Variants in UNC45B observed in about 807,000 individuals in gnomAD.
The protein encoded by UNC45B is protein unc-45 homolog B.
Under a neutral mutation model 98.7 loss-of-function variants are expected in UNC45B, and 78 were observed. The ratio of observed to expected loss-of-function variants is 0.79; its 90% CI spans 0.66 to 0.95. The LOEUF is 0.95. UNC45B is among the 40% of genes least tolerant of loss of function. The pLI, the probability that UNC45B is intolerant of heterozygous loss-of-function variation, is 0.00. For synonymous variants in UNC45B, 462 were observed against 480.4 expected (o/e 0.96, Z 0.50); for missense variants, 1,225 against 1,184.9 (o/e 1.03, Z -0.50).
chr17:35,161,875 T>A (rs980478102), intron 8 of UNC45B, among the ~76,000 whole-genome samples: 1 of 152,002 alleles, frequency 6.6e-6, no homozygotes, highest in Non-Finnish European at 1.5e-5. Flanking sequence ...TAACTAATGA[T>A]TTAATCAACC....
chr17:35,172,996 G>A (rs771316855), intron 13 of UNC45B, among the ~76,000 whole-genome samples: 4 of 152,146 alleles, frequency 2.6e-5, no homozygotes, highest in Non-Finnish European at 4.4e-5. Context: ...AATCACACAC[G>A]ACAGCAAGGC....
chr17:35,170,636 G>A (rs886924351), intron 12 of UNC45B, among the ~76,000 whole-genome samples: 1 of 151,464 alleles, frequency 6.6e-6, no homozygotes. Flanking sequence ...TGGGGTTCAG[G>A]ACCAGCCTAG....
rs922711152 is a variant in UNC45B at position 35,148,350 on chromosome 17, C to T, written c.87C>T (p.Tyr29=). ...LQDYKAATNS[Y]SQALKLTKDK... ...ACTACAAGGCCGCCACAAATAGCTA[C>T]AGCCAGGCCCTGAAGCTGACCAAGG... is the stretch of plus-strand genomic sequence containing the variant. The change falls in exon 2 of 20, where the codon TAC becomes TAT. Residue 29 remains tyrosine, a synonymous_variant. Coordinates refer to ENST00000394570, the MANE Select transcript of UNC45B (RefSeq NM_001267052.2). The T allele has an allele frequency of 5.5e-5, 88 of 1,614,058 alleles. No individual in the cohort carries two copies. The highest frequency in any genetic ancestry group is 7.3e-5 in the Non-Finnish European group (86 of 1,180,046).
Position 35,186,547 on chromosome 17 carries a change from A to G in UNC45B, c.2778A>G (p.Lys926=). The change falls in exon 20 of 20, where the codon AAA becomes AAG. Residue 926 remains lysine, a synonymous_variant. Coordinates refer to ENST00000394570, the MANE Select transcript of UNC45B (RefSeq NM_001267052.2). ...LIKCMDYGFI[K]PVS is the part of the protein sequence containing the mutation. Reference sequence around the variant, plus strand: ...AGTGCATGGATTATGGTTTCATTAAACCAGTGTCTTAGACAGCGACCCTCA... The same window carrying G: ...AGTGCATGGATTATGGTTTCATTAAGCCAGTGTCTTAGACAGCGACCCTCA... 3.1e-6 allele frequency: 5 copies of G among 1,614,110 alleles called. No homozygotes were observed. The highest frequency in any genetic ancestry group is 4.2e-6 in the Non-Finnish European group (5 of 1,180,000).
At chr17:35,168,542 T>C (rs2092158629) in intron 10 of UNC45B, among the ~76,000 whole-genome samples, 181 bp downstream of exon 10, 1 of 152,080 alleles carries the variant, frequency 6.6e-6, no homozygotes, top group South Asian at 2.1e-4. Flanking sequence ...AGGATGTAGA[T>C]TCAGAACCGT....
chr17:35,156,167 G>C (rs1193190487), intron 7 of UNC45B, among the ~76,000 whole-genome samples: 1 of 152,188 alleles, frequency 6.6e-6, no homozygotes, highest in Non-Finnish European at 1.5e-5. Context: ...GAGATGGAAA[G>C]TAGAATAGTG....
At chr17:35,149,996 T>G (rs2092004673) in intron 3 of UNC45B, 52 bp from the exon 4 acceptor site, 4 of 1,505,816 alleles carry the variant, frequency 2.7e-6, no homozygotes, top group Non-Finnish European at 3.5e-6. Flanking sequence ...GTGGGGCTGG[T>G]GGTCTGTAGT....
chr17:35,161,919 A>T (rs1057171000), intron 8 of UNC45B, among the ~76,000 whole-genome samples: 14 of 152,284 alleles, frequency 9.2e-5, no homozygotes, highest in African/African-American at 3.4e-4. Flanking sequence ...TTTAAAAAAA[A>T]TCCCTAGCCA....
At chr17:35,161,683 A>C (rs1245133114) in intron 8 of UNC45B, among the ~76,000 whole-genome samples, 3 of 152,138 alleles carry the variant, frequency 2.0e-5, no homozygotes, top group African/African-American at 7.2e-5. Flanking sequence ...TGAAGTGATA[A>C]GTATCTTTTT....
In UNC45B at chr17:35,148,306, C is replaced by T. The variant is rs770937125; in HGVS notation, c.43C>T (p.Arg15Trp). ...EAVQLKEEGN[R>W]HFQLQDYKAA... The stretch of plus-strand genomic sequence containing the variant: ...GGTACAGCTGAAGGAGGAAGGAAAC[C>T]GGCATTTCCAGCTCCAGGACTACAA... Residue 15 changes from arginine (R) to tryptophan (W), a missense_variant, in exon 2 of 20, where the codon CGG (arginine) becomes TGG (tryptophan). By Grantham distance (101) the Arg-to-Trp change is moderately radical (BLOSUM62 -3). Coordinates refer to ENST00000394570, the MANE Select transcript of UNC45B (RefSeq NM_001267052.2). 30 of 1,614,042 alleles carry T rather than the reference C, an allele frequency of 1.9e-5. No homozygotes were observed. Among genetic ancestry groups the T allele is most frequent in the Non-Finnish European group, 1.3e-5 (15 of 1,180,024 alleles).
At chr17:35,155,204 G>A (rs2092050079) in intron 6 of UNC45B, 92 bp from the exon 7 acceptor site, 2 of 1,488,190 alleles carry the variant, frequency 1.3e-6, no homozygotes, top group Admixed American at 1.8e-5. Context: ...GCATGGGATA[G>A]GGTGGGGAGG....
At chr17:35,179,543 C>G (rs754271814) in intron 17 of UNC45B, among the ~76,000 whole-genome samples, 6 of 152,188 alleles carry the variant, frequency 3.9e-5, no homozygotes, top group Non-Finnish European at 8.8e-5. Flanking sequence ...AAATGTGACA[C>G]ATATGCACCA....
At chr17:35,148,804 G>A (rs1191318871) in intron 2 of UNC45B, among the ~76,000 whole-genome samples, 169 bp from the exon 3 acceptor site, 1 of 152,132 alleles carries the variant, frequency 6.6e-6, no homozygotes, top group Non-Finnish European at 1.5e-5. Context: ...GGGTTTGCCT[G>A]ATGTCAAAGC....
At chr17:35,181,200 A>T (rs1251771594) in intron 18 of UNC45B, among the ~76,000 whole-genome samples, 1 of 152,248 alleles carries the variant, frequency 6.6e-6, no homozygotes, top group Non-Finnish European at 1.5e-5. Flanking sequence ...GGGTTTATAA[A>T]AATAAAATGA....
At chr17:35,166,015 C>T (rs2092136495) in intron 9 of UNC45B, among the ~76,000 whole-genome samples, 1 of 140,736 alleles carries the variant, frequency 7.1e-6, no homozygotes, top group Non-Finnish European at 1.5e-5. Flanking sequence ...TTTTGGGAGG[C>T]CGATGTGGGA....
At chr17:35,158,992 A>G (rs2092082765) in intron 7 of UNC45B, among the ~76,000 whole-genome samples, 1 of 152,192 alleles carries the variant, frequency 6.6e-6, no homozygotes, top group Non-Finnish European at 1.5e-5. Context: ...GGGGAGTGAA[A>G]TGTCCCTAAA....
At position 35,169,908 on chromosome 17, in the gene UNC45B, A is replaced by G; in HGVS notation, c.1524A>G (p.Glu508=). 6.2e-7 allele frequency: 1 copy of G among 1,614,156 alleles called. No homozygotes were observed. The highest frequency in any genetic ancestry group is 1.1e-5 in the South Asian group (1 of 91,074). The change falls in exon 11 of 20, where the codon GAA becomes GAG. Residue 508 remains glutamate, a synonymous_variant. Coordinates refer to ENST00000394570, the MANE Select transcript of UNC45B (RefSeq NM_001267052.2). ...GLRQFAEGST[E]KLAKQCRKWL... is the part of the protein sequence containing the mutation. ...GGCAGTTTGCGGAAGGGTCGACAGAAAAACTGGCCAAACAGTGTCGCAAGT... is the reference window on the plus strand; with the variant it reads ...GGCAGTTTGCGGAAGGGTCGACAGAGAAACTGGCCAAACAGTGTCGCAAGT...
rs943196905 is a variant in UNC45B, at chr17:35,185,145, G to T, written c.2530-1154G>T. On this transcript the variant is annotated intron_variant, in intron 19 of 19. Coordinates refer to ENST00000394570, the MANE Select transcript of UNC45B (RefSeq NM_001267052.2). Reference sequence around the variant, plus strand: ...ATTCAGTGCAGTTTACAAAAGTTGGGTTAGATGCTCAAAAGCCAAGAATTT... The same window carrying T: ...ATTCAGTGCAGTTTACAAAAGTTGGTTTAGATGCTCAAAAGCCAAGAATTT... Among the ~76,000 whole-genome samples the T allele has an allele frequency of 2.9e-4, 44 of 152,194 alleles. 1 individual carries two copies. The highest frequency in any genetic ancestry group is 1.1e-3 in the African/African-American group (44 of 41,504).
intron 8 of UNC45B, among the ~76,000 whole-genome samples, chr17:35,160,229 C>T (rs2092093257): frequency 6.6e-6 from 1 of 152,172 alleles, no homozygotes; most frequent in Non-Finnish European, 1.5e-5. Flanking sequence ...TAAATGATCA[C>T]TTTACATAAG....
Sources: allele counts gnomAD v4.1 joint callset (sites outside exome capture counted in the v4.1 genomes callset), GRCh38; gene constraint gnomAD v4.1.1; transcripts MANE v1.5; gene names NCBI Gene and HGNC (gene_info 2026-07-23, HGNC 2026-07-21).